The following SPACA7 variants were observed in gnomAD, a reference collection of about 807,000 sequenced individuals.
The protein encoded by SPACA7 is sperm acrosome-associated protein 7.
In SPACA7, 19 loss-of-function variants were observed where a neutral mutation model predicts 26.3. The observed-to-expected ratio is 0.72, with a 90% CI of 0.50 to 1.06. SPACA7 has a LOEUF of 1.06. Among genes scored for constraint, SPACA7 ranks in the 50% least tolerant of loss-of-function variants. The probability of loss-of-function intolerance (pLI) is 0.00; values close to 1 mark genes in which losing one functional copy is unlikely to be tolerated. For synonymous variants in SPACA7, 84 were observed against 84.5 expected (o/e 0.99, Z 0.04); for missense variants, 211 against 229.9 (o/e 0.92, Z 0.53).
intron 5 of SPACA7, among the ~76,000 whole-genome samples, chr13:112,430,333 T>C (rs1311376070): frequency 6.6e-6 from 1 of 152,224 alleles, no homozygotes; most frequent in Non-Finnish European, 1.5e-5. Flanking sequence ...AGGCAGTGCC[T>C]GAAGCAAGCA....
At chr13:112,404,866 GTTC>G (rs1885874046) in intron 5 of SPACA7, among the ~76,000 whole-genome samples, 1 of 149,318 alleles carries the variant, frequency 6.7e-6, no homozygotes, top group Non-Finnish European at 1.5e-5. Flanking sequence ...CTCCAGATTT[GTTC>G]TTCTTGCTTA....
rs1485565098 is a variant in SPACA7, at chr13:112,376,400, A to T, written c.15A>T (p.Gln5His). 35 of 1,613,562 alleles carry T rather than the reference A, an allele frequency of 2.2e-5. No individual in the cohort carries two copies. Among genetic ancestry groups the T allele is most frequent in the Non-Finnish European group, 2.8e-5 (33 of 1,179,860 alleles). MAVS[Q>H]GDGTLCFVLL... is the part of the protein sequence containing the mutation. Reference sequence around the variant, plus strand: ...CTGGAGGGAGCATGGCAGTGAGCCAAGGAGACGGGACCCTCTGCTTTGTCC... The same window carrying T: ...CTGGAGGGAGCATGGCAGTGAGCCATGGAGACGGGACCCTCTGCTTTGTCC... Residue 5 changes from glutamine (Q) to histidine (H), a missense_variant, in exon 1 of 7, where the codon CAA becomes CAT. Transcript: ENST00000283550.
At chr13:112,408,474 C>T (rs1396287388) in intron 5 of SPACA7, among the ~76,000 whole-genome samples, 2 of 151,982 alleles carry the variant, frequency 1.3e-5, no homozygotes, top group Non-Finnish European at 2.9e-5. Flanking sequence ...AAAACCCTAT[C>T]GTCTCAGCCC....
intron 5 of SPACA7, among the ~76,000 whole-genome samples, chr13:112,419,880 G>T (rs370394190): frequency 1.3e-5 from 2 of 152,162 alleles, no homozygotes; most frequent in Non-Finnish European, 2.9e-5. Flanking sequence ...AAAGAAACCC[G>T]CTCTGCCGTG....
chr13:112,424,769 G>A (rs180742437), intron 5 of SPACA7, among the ~76,000 whole-genome samples: 1 of 152,246 alleles, frequency 6.6e-6, no homozygotes, highest in Admixed American at 6.5e-5. Context: ...AGGAACACAA[G>A]AGGCAGGGCC....
At chr13:112,408,718 CACAA>C (rs946656086) in intron 5 of SPACA7, among the ~76,000 whole-genome samples, 1 of 151,708 alleles carries the variant, frequency 6.6e-6, no homozygotes, top group African/African-American at 2.4e-5. Context: ...CAAAATAGGA[CACAA>C]ACAAATGGAA....
At chr13:112,426,779 T>C (rs1421649312) in intron 5 of SPACA7, among the ~76,000 whole-genome samples, 1 of 152,256 alleles carries the variant, frequency 6.6e-6, no homozygotes, top group East Asian at 1.9e-4. Context: ...TTAGTTCCAG[T>C]AGCATTTTTG....
intron 2 of SPACA7, among the ~76,000 whole-genome samples, chr13:112,394,914 G>T (rs1281052471): frequency 6.6e-6 from 1 of 152,204 alleles, no homozygotes; most frequent in Non-Finnish European, 1.5e-5. Flanking sequence ...GGAAGCAGCA[G>T]CTCTTACCCC....
intron 5 of SPACA7, among the ~76,000 whole-genome samples, chr13:112,409,349 G>T (rs1886196447): frequency 6.6e-6 from 1 of 152,146 alleles, no homozygotes; most frequent in South Asian, 2.1e-4. Context: ...GGCAACAAAA[G>T]CCAAAATTGA....
chr13:112,426,064 T>C (rs1469523780), intron 5 of SPACA7, among the ~76,000 whole-genome samples: 1 of 152,230 alleles, frequency 6.6e-6, no homozygotes, highest in African/African-American at 2.4e-5. Context: ...AATGCTTGTA[T>C]TGAGTTAATT....
chr13:112,404,233 T>C (rs976460023), intron 5 of SPACA7, among the ~76,000 whole-genome samples: 1 of 152,214 alleles, frequency 6.6e-6, no homozygotes, highest in Non-Finnish European at 1.5e-5. Context: ...CTTTTGAGAA[T>C]TGTCTATTCA....
chr13:112,378,685 C>T (rs1460814851), intron 1 of SPACA7: 1 of 471,144 alleles, frequency 2.1e-6, no homozygotes. Flanking sequence ...AGCAAATGAC[C>T]TTCTTCACTC....
In SPACA7 at chr13:112,415,016, C is replaced by T. The variant is rs1268416638; in HGVS notation, c.445+13852C>T. Among the ~76,000 whole-genome samples the T allele has an allele frequency of 4.6e-5, 7 of 152,212 alleles. No homozygotes were observed. The East Asian group carries it at 1.2e-3, about 25-fold the overall frequency. On this transcript the variant is annotated intron_variant, in intron 5 of 6. Transcript: ENST00000283550. ...GAGTTCCCTAAGCCTGTGGTCACTG[C>T]AGCCACTTTTGCACTACAGAGCATC...
chr13:112,417,147 T>G (rs149339533), intron 5 of SPACA7, among the ~76,000 whole-genome samples: 1 of 152,202 alleles, frequency 6.6e-6, no homozygotes, highest in Non-Finnish European at 1.5e-5. Context: ...AAATGGATCC[T>G]TTCAAAATTA....
intron 5 of SPACA7, among the ~76,000 whole-genome samples, chr13:112,421,328 T>C (rs1875959284): frequency 1.3e-5 from 2 of 151,956 alleles, no homozygotes; most frequent in South Asian, 4.1e-4. Flanking sequence ...TAAATTACTA[T>C]TTAAAGTTAG....
rs79811609 is a variant in SPACA7, at chr13:112,421,596, T to A, written c.446-10848T>A. Among the ~76,000 whole-genome samples, 410 of 152,320 alleles carry A rather than the reference T, an allele frequency of 2.7e-3. 8 individuals carry two copies. In the East Asian group the frequency reaches 0.04, roughly 15 times the overall value. Reference sequence around the variant, plus strand: ...TTTTACACCAGGGGTTGTCAAACTATAGGCCAAGGGCCAAATATAAATATA... The same window carrying A: ...TTTTACACCAGGGGTTGTCAAACTAAAGGCCAAGGGCCAAATATAAATATA... On this transcript the variant is annotated intron_variant, in intron 5 of 6. Transcript: ENST00000283550.
rs1398230471 is a variant in SPACA7 at position 112,383,129 on chromosome 13, G to GAAAGAA, written c.94+6652_94+6657dup. 7.2e-4 allele frequency among the ~76,000 whole-genome samples: 6 copies of GAAAGAA among 8,278 alleles called. 1 individual carries two copies. The highest frequency in any genetic ancestry group is 1.5e-3 in the African/African-American group (3 of 2,006). The allele number at this position is 8,278 out of a possible 152,430, so 5.4% of individuals were successfully genotyped here. A position where few individuals can be genotyped will look rare whatever the true frequency, so the allele number is the denominator to read the frequency against. The stretch of plus-strand genomic sequence containing the variant: ...AGAAAAGAAAAGAAAAGAAAAGAAA[G>GAAAGAA]AAAGAAAGAAAGAAAGAAAGAAAGA... On this transcript the variant is annotated intron_variant, in intron 1 of 6. Transcript: ENST00000283550.
At chr13:112,393,129 T>C in intron 2 of SPACA7, 52 bp downstream of exon 2, 2 of 1,451,014 alleles carry the variant, frequency 1.4e-6, no homozygotes, top group African/African-American at 1.4e-5. Flanking sequence ...GAGGGCTGGA[T>C]GGTTGTCTGT....
intron 6 of SPACA7, 149 bp from the exon 7 acceptor site, chr13:112,434,336 C>G (rs1877519565): frequency 1.5e-6 from 1 of 671,072 alleles, no homozygotes; most frequent in African/African-American, 1.8e-5. Flanking sequence ...CCCGGTCCTC[C>G]TGCCCCAGAC....
Sources: gnomAD v4.1 joint callset for allele counts (sites outside exome capture counted in the v4.1 genomes callset) on GRCh38, gnomAD v4.1.1 for gene constraint, MANE v1.5 for transcripts, NCBI Gene and HGNC (gene_info 2026-07-23, HGNC 2026-07-21) for gene names.